The following POR variants were observed in gnomAD, a reference collection of about 807,000 sequenced individuals.
POR encodes cytochrome p450 oxidoreductase, also known as NADPH--cytochrome P450 reductase.
POR carries 56 observed loss-of-function variants against 84.0 expected under a neutral mutation model. The ratio of observed to expected loss-of-function variants is 0.67; its 90% confidence interval spans 0.54 to 0.83. The LOEUF (loss-of-function observed/expected upper bound fraction) is 0.83, where lower values mean the gene tolerates loss of function less well. POR is among the 40% of genes least tolerant of loss of function. POR has a pLI of 0.00. For synonymous variants in POR, 414 were observed against 400.5 expected, an observed-to-expected ratio of 1.03 and a Z score of -0.40; for missense variants, 938 against 944.3, an observed-to-expected ratio of 0.99 and a Z score of 0.09.
chr7:75,980,357 C>T lies in POR; in HGVS notation c.385C>T (p.Pro129Ser), dbSNP rs1249788349. Reference sequence around the variant, plus strand: ...TCTGCAGGCCGACCTGAGCAGCCTGCCAGAGATCGACAACGCCCTGGTGGT... The same window carrying T: ...TCTGCAGGCCGACCTGAGCAGCCTGTCAGAGATCGACAACGCCCTGGTGGT... Residue 129 changes from proline to serine, a missense_variant, in exon 5 of 16, where the codon CCA becomes TCA. Transcript: ENST00000461988. 19 of 1,612,820 alleles carry T rather than the reference C, an allele frequency of 1.2e-5. No individual in the cohort carries two copies. Among genetic ancestry groups the T allele is most frequent in the Non-Finnish European group, 1.4e-5 (17 of 1,179,746 alleles).
chr7:75,967,265 C>T (rs1321503594), intron 2 of POR, among the ~76,000 whole-genome samples: 2 of 152,132 alleles, frequency 1.3e-5, no homozygotes, highest in Non-Finnish European at 1.5e-5. Flanking sequence ...AGCCACTGCA[C>T]TCCGCCGAGC....
intron 1 of POR, among the ~76,000 whole-genome samples, chr7:75,926,302 A>G (rs1162758242): frequency 1.3e-5 from 2 of 151,766 alleles, no homozygotes; most frequent in Admixed American, 6.6e-5. Flanking sequence ...GACCCCTGCT[A>G]TTTTTCCTGT....
intron 7 of POR, chr7:75,981,974 C>A: frequency 1.8e-6 from 1 of 570,260 alleles, no homozygotes; most frequent in Admixed American, 3.0e-5. Context: ...TACCTTCTCC[C>A]AGATGGAAGC....
Position 75,980,347 on chromosome 7 carries a change from G to A in POR, c.375G>A (p.Leu125=), listed in dbSNP as rs782082229. 3 of 1,612,552 alleles carry A rather than the reference G, an allele frequency of 1.9e-6. No individual in the cohort carries two copies. The African/African-American group carries it at 4.0e-5, about 22-fold the overall frequency. The change falls in exon 5 of 16, where the codon CTG becomes CTA. Residue 125 remains leucine, a synonymous_variant. Transcript: ENST00000461988. Reference sequence around the variant, plus strand: ...TGTCCCTGTTTCTGCAGGCCGACCTGAGCAGCCTGCCAGAGATCGACAACG... The same window carrying A: ...TGTCCCTGTTTCTGCAGGCCGACCTAAGCAGCCTGCCAGAGATCGACAACG...
intron 1 of POR, among the ~76,000 whole-genome samples, chr7:75,951,604 C>T (rs1259765281): frequency 1.3e-5 from 2 of 152,194 alleles, no homozygotes; most frequent in African/African-American, 4.8e-5. Context: ...TTCCTGGTGA[C>T]AGTGACAGCC....
intron 1 of POR, chr7:75,923,184 G>A: frequency 8.8e-7 from 1 of 1,138,534 alleles, no homozygotes; most frequent in Middle Eastern, 2.9e-4. Flanking sequence ...GACAAGCCAA[G>A]GTCAAGAATA....
chr7:75,983,671 C>T (rs1163781908), intron 9 of POR, 35 bp downstream of exon 9: 2 of 1,608,002 alleles, frequency 1.2e-6, no homozygotes, highest in Non-Finnish European at 1.7e-6. Context: ...TGAACCCTCA[C>T]TCTGGGCCTC....
At position 75,981,118 on chromosome 7, in the gene POR, A is replaced by G. The variant is rs781968347; in HGVS notation, c.587A>G (p.Glu196Gly). 14 of 1,562,628 alleles carry G rather than the reference A, an allele frequency of 9.0e-6. 1 individual carries two copies. In the South Asian group the frequency reaches 1.2e-4, roughly 13 times the overall value. The change falls in exon 6 of 16, where the codon GAG (glutamate) becomes GGG (glycine). Residue 196 changes from glutamate to glycine, a missense_variant. Coordinates refer to ENST00000461988, the MANE Select transcript of POR (RefSeq NM_000941.3). Reference sequence around the variant, plus strand: ...GGCAAGTACGTGGACAAGCGGCTGGAGCAGCTCGGCGCCCAGCGCATCTTT... The same window carrying G: ...GGCAAGTACGTGGACAAGCGGCTGGGGCAGCTCGGCGCCCAGCGCATCTTT...
At position 75,986,522 on chromosome 7, in the gene POR, A is replaced by C. The variant is rs1789485313; in HGVS notation, c.*41A>C. 3.8e-6 allele frequency: 6 copies of C among 1,592,274 alleles called. No individual in the cohort carries two copies. The African/African-American group carries it at 6.7e-5, about 18-fold the overall frequency. ...ACCCACCCCACAGACTCCGGCCTGT[A>C]ATCAGCTCTCCTGGCTCCCTCCCGT... On this transcript the variant is annotated 3_prime_UTR_variant, in exon 16 of 16. Transcript: ENST00000461988.
chr7:75,929,350 G>A (rs1056590104), intron 1 of POR, among the ~76,000 whole-genome samples: 1 of 152,048 alleles, frequency 6.6e-6, no homozygotes, highest in Non-Finnish European at 1.5e-5. Flanking sequence ...CGCAACCTCC[G>A]CCTCCTGGGT....
At chr7:75,955,724 G>A (rs1787657553) in intron 2 of POR, among the ~76,000 whole-genome samples, 1 of 152,180 alleles carries the variant, frequency 6.6e-6, no homozygotes, top group Non-Finnish European at 1.5e-5. Context: ...TTGCACCCCA[G>A]GGCCACCCTG....
chr7:75,973,721 G>A (rs567442718), intron 3 of POR, among the ~76,000 whole-genome samples: 15 of 111,534 alleles, frequency 1.3e-4, no homozygotes, highest in East Asian at 2.8e-4. Context: ...TCGCTCTGTC[G>A]CCCAGGCTGG....
intron 3 of POR, 161 bp downstream of exon 3, chr7:75,972,622 A>G: frequency 2.8e-6 from 2 of 713,440 alleles, no homozygotes; most frequent in South Asian, 3.0e-5. Flanking sequence ...TGCCTAACCA[A>G]AGCCCTGAAG....
At chr7:75,969,369 C>T (rs950728277) in intron 2 of POR, among the ~76,000 whole-genome samples, 1 of 152,196 alleles carries the variant, frequency 6.6e-6, no homozygotes, top group Admixed American at 6.5e-5. Flanking sequence ...AAGCCAGGTC[C>T]GCCCTGCCAC....
chr7:75,955,638 T>C (rs1255321963), intron 2 of POR, among the ~76,000 whole-genome samples: 1 of 152,208 alleles, frequency 6.6e-6, no homozygotes, highest in Non-Finnish European at 1.5e-5. Flanking sequence ...GGGGCAGGAT[T>C]GGGAGCCATT....
At chr7:75,935,356 C>T (rs1017974787) in intron 1 of POR, among the ~76,000 whole-genome samples, 4 of 152,248 alleles carry the variant, frequency 2.6e-5, no homozygotes, top group African/African-American at 9.6e-5. Flanking sequence ...AAGCGATTCT[C>T]CTGCCTTAGC....
intron 2 of POR, among the ~76,000 whole-genome samples, chr7:75,965,476 C>T (rs577458137): frequency 1.3e-5 from 2 of 152,294 alleles, no homozygotes; most frequent in African/African-American, 4.8e-5. Context: ...TCCCTCGGAC[C>T]CCTAGCTCTT....
intron 7 of POR, 46 bp downstream of exon 7, chr7:75,981,652 G>C: frequency 6.5e-7 from 1 of 1,534,896 alleles, no homozygotes; most frequent in Non-Finnish European, 8.9e-7. Context: ...GGCGGGTCCT[G>C]TGCCGAGGGC....
chr7:75,934,389 G>A (rs1246441506), intron 1 of POR, among the ~76,000 whole-genome samples: 2 of 152,146 alleles, frequency 1.3e-5, no homozygotes, highest in Admixed American at 6.6e-5. Flanking sequence ...TGGGAGCAAA[G>A]AAATGACTTA....
Sources: allele counts gnomAD v4.1 joint callset (sites outside exome capture counted in the v4.1 genomes callset), GRCh38; gene constraint gnomAD v4.1.1; transcripts MANE v1.5; gene names NCBI Gene and HGNC (gene_info 2026-07-23, HGNC 2026-07-21).